NUP155: variants seen among roughly 807,000 people sequenced by gnomAD.
NUP155 encodes nucleoporin 155, also known as nuclear pore complex protein Nup155.
In NUP155, 71 loss-of-function variants were observed where a neutral mutation model predicts 180.4. The observed-to-expected ratio is 0.39, with a 90% CI of 0.33 to 0.48. The LOEUF is 0.48. Ranked by LOEUF, NUP155 falls within the 20% of genes least tolerant of loss-of-function variation. The probability of loss-of-function intolerance (pLI) is 0.91; values close to 1 mark genes in which losing one functional copy is unlikely to be tolerated. For missense variants in NUP155, 1,553 were observed against 1,648.9 expected (o/e 0.94, Z 1.01); for synonymous variants, 582 against 559.5 (o/e 1.04, Z -0.57).
intron 9 of NUP155, among the ~76,000 whole-genome samples, chr5:37,344,799 G>A (rs891203231): frequency 1.3e-5 from 2 of 151,558 alleles, no homozygotes; most frequent in African/African-American, 4.9e-5. Flanking sequence ...TTGAACCCGG[G>A]AGGTGGAGGT....
chr5:37,297,441 C>T (rs115383385), intron 32 of NUP155, among the ~76,000 whole-genome samples: 1,722 of 152,204 alleles, frequency 0.011, 17 homozygotes, highest in Non-Finnish European at 0.019. Flanking sequence ...TGCAGTGGTT[C>T]GATCTCAGCT....
chr5:37,310,544 TATC>T lies in NUP155; in HGVS notation c.2628+5_2628+7del. 1 of 1,605,936 alleles carries T rather than the reference TATC, an allele frequency of 6.2e-7. No homozygotes were observed. Among genetic ancestry groups the T allele is most frequent in the Non-Finnish European group, 8.5e-7 (1 of 1,173,038 alleles). ...ACAAACAATGAAATAGGTAATAAAG[TATC>T]ATACCTTAGAACAAATTGCATCATC... On this transcript the variant is annotated splice_donor_5th_base_variant and intron_variant, in intron 23 of 34. Transcript: ENST00000231498.
At chr5:37,292,742 A>G (rs1285074766) in intron 34 of NUP155, 137 bp downstream of exon 34, 3 of 647,784 alleles carry the variant, frequency 4.6e-6, no homozygotes, top group African/African-American at 1.8e-5. Flanking sequence ...TTTTTCATAC[A>G]TGGTGATCAA....
Position 37,301,498 on chromosome 5 carries a change from T to C in NUP155, c.3500A>G (p.His1167Arg). Reference protein sequence around the residue: ...IQETLQRQYSHHSSVQDAVSQ... With the variant: ...IQETLQRQYSRHSSVQDAVSQ... ...AACTGCATCCTGTACAGAAGAATGA[T>C]GGGAATACTGCCTTTGTAGTGTCTC... Residue 1167 changes from histidine to arginine, a missense_variant, in exon 30 of 35, where the codon CAT becomes CGT. Physicochemically the swap from His to Arg is conservative, Grantham distance 29. Transcript: ENST00000231498. The C allele has an allele frequency of 6.2e-7, 1 of 1,614,024 alleles. No individual in the cohort carries two copies. Among genetic ancestry groups the C allele is most frequent in the Non-Finnish European group, 8.5e-7 (1 of 1,179,898 alleles).
At position 37,318,022 on chromosome 5, in the gene NUP155, C is replaced by T. The variant is rs757199133; in HGVS notation, c.2271G>A (p.Gln757=). The T allele has an allele frequency of 6.2e-7, 1 of 1,612,120 alleles. No homozygotes were observed. The highest frequency in any genetic ancestry group is 8.5e-7 in the Non-Finnish European group (1 of 1,178,210). Residue 757 remains glutamine, a synonymous_variant, in exon 21 of 35, where the codon CAG becomes CAA. Transcript: ENST00000231498. The stretch of plus-strand genomic sequence containing the variant: ...TCCTCTGCAGTTCCTGTTGCATTTG[C>T]TGGGGATTTCCGTTTTCAGGACGCA... ...GFMRPENGNP[Q]QMQQELQRKF...
intron 11 of NUP155, among the ~76,000 whole-genome samples, chr5:37,338,830 A>AT (rs1041999386): frequency 1.2e-4 from 18 of 151,182 alleles, no homozygotes; most frequent in African/African-American, 2.2e-4. Context: ...TCAGATAAAC[A>AT]TTTTTTTTTC....
intron 33 of NUP155, 118 bp downstream of exon 33, chr5:37,294,211 C>A: frequency 1.5e-6 from 1 of 687,700 alleles, no homozygotes; most frequent in Non-Finnish European, 2.5e-6. Flanking sequence ...AAGACTCAAC[C>A]AAGTGTAATT....
intron 1 of NUP155, 135 bp downstream of exon 1, chr5:37,370,686 G>C: frequency 6.2e-7 from 1 of 1,607,944 alleles, no homozygotes; most frequent in South Asian, 1.1e-5. Context: ...GCTGCTTGCT[G>C]TTCTCCAAAA....
rs1745687922 is a variant in NUP155 at position 37,341,105 on chromosome 5, C to T, written c.1231G>A (p.Ala411Thr). 1.2e-6 allele frequency: 2 copies of T among 1,612,648 alleles called. No homozygotes were observed. The highest frequency in any genetic ancestry group is 2.2e-5 in the East Asian group (1 of 44,854). The change falls in exon 11 of 35, where the codon GCT (alanine) becomes ACT (threonine). Residue 411 changes from alanine (A) to threonine (T), a missense_variant. Ala to Thr is a moderately conservative substitution (Grantham distance 58, BLOSUM62 0). Coordinates refer to ENST00000231498, the MANE Select transcript of NUP155 (RefSeq NM_153485.3). ...CAGAACTTACCTTTACTATAAAGAG[C>T]TCTATGTACTTTTGAAGGCTTTTCC... The part of the protein sequence containing the change: ...TVEKPSKVHR[A>T]LYSKGILLMA...
chr5:37,342,289 T>G, intron 10 of NUP155: 1 of 367,780 alleles, frequency 2.7e-6, no homozygotes, highest in Non-Finnish European at 5.1e-6. Flanking sequence ...TCAGGCAATC[T>G]GCCTGCCTTG....
At chr5:37,350,029 T>C in intron 7 of NUP155, 131 bp downstream of exon 7, 2 of 726,790 alleles carry the variant, frequency 2.8e-6, no homozygotes, top group South Asian at 1.5e-5. Flanking sequence ...AAAGACCTTA[T>C]GAATATATAA....
chr5:37,296,446 G>T (rs1174187126), intron 32 of NUP155, among the ~76,000 whole-genome samples: 1 of 152,024 alleles, frequency 6.6e-6, no homozygotes, highest in Non-Finnish European at 1.5e-5. Context: ...GGCGGTGCAA[G>T]ATGTGCTTTG....
intron 3 of NUP155, among the ~76,000 whole-genome samples, chr5:37,362,348 G>T (rs1233117712): frequency 6.6e-6 from 1 of 151,792 alleles, no homozygotes; most frequent in Admixed American, 6.6e-5. Flanking sequence ...GAGTGCAATG[G>T]CGCGATCTCG....
intron 24 of NUP155, among the ~76,000 whole-genome samples, chr5:37,308,328 G>A (rs1422041060): frequency 1.3e-5 from 2 of 152,096 alleles, no homozygotes; most frequent in African/African-American, 4.8e-5. Flanking sequence ...TGAGATGGGT[G>A]GATCACCTGA....
chr5:37,342,726 A>C, intron 9 of NUP155, 80 bp from the exon 10 acceptor site: 1 of 988,254 alleles, frequency 1.0e-6, no homozygotes, highest in East Asian at 2.6e-5. Flanking sequence ...CAGAATGTTT[A>C]CATATTTCCA....
chr5:37,334,390 T>G (rs1745181545), intron 12 of NUP155, among the ~76,000 whole-genome samples: 1 of 151,772 alleles, frequency 6.6e-6, no homozygotes, highest in South Asian at 2.1e-4. Context: ...TTACCTTTTT[T>G]TTTTTTCTGA....
chr5:37,300,761 A>T (rs957298384), intron 30 of NUP155, among the ~76,000 whole-genome samples: 5 of 151,756 alleles, frequency 3.3e-5, no homozygotes, highest in African/African-American at 9.7e-5. Context: ...GGCTAAATCA[A>T]TCCTCCCACC....
chr5:37,305,511 G>A (rs1172912941), intron 25 of NUP155, among the ~76,000 whole-genome samples: 5 of 152,148 alleles, frequency 3.3e-5, no homozygotes, highest in Admixed American at 6.5e-5. Context: ...GTGAAACCCC[G>A]TATCTGACAA....
chr5:37,334,734 C>G (rs978623920), intron 12 of NUP155, among the ~76,000 whole-genome samples: 2 of 152,126 alleles, frequency 1.3e-5, no homozygotes, highest in Non-Finnish European at 2.9e-5. Flanking sequence ...TACTAGAGGA[C>G]AAGGGCAAAC....
Sources: gnomAD v4.1 joint callset for allele counts (sites outside exome capture counted in the v4.1 genomes callset) on GRCh38, gnomAD v4.1.1 for gene constraint, MANE v1.5 for transcripts, NCBI Gene and HGNC (gene_info 2026-07-23, HGNC 2026-07-21) for gene names.